Variants in DIAPH3 observed in about 807,000 individuals in gnomAD.
DIAPH3 encodes diaphanous related formin 3, also known as protein diaphanous homolog 3.
Under a neutral mutation model 144.3 loss-of-function variants are expected in DIAPH3, and 117 were observed. The ratio of observed to expected loss-of-function variants is 0.81; its 90% CI spans 0.70 to 0.95. DIAPH3 has a LOEUF of 0.95. DIAPH3 is among the 40% of genes least tolerant of loss of function. The probability of loss-of-function intolerance (pLI) is 0.00; values close to 1 mark genes in which losing one functional copy is unlikely to be tolerated. For missense variants in DIAPH3, 1,421 were observed against 1,412.7 expected, an observed-to-expected ratio of 1.01 and a Z score of -0.09; for synonymous variants, 519 against 488.9, an observed-to-expected ratio of 1.06 and a Z score of -0.81.
At chr13:59,763,732 T>C (rs1447103772) in intron 27 of DIAPH3, among the ~76,000 whole-genome samples, 1 of 152,172 alleles carries the variant, frequency 6.6e-6, no homozygotes, top group Non-Finnish European at 1.5e-5. Flanking sequence ...TGTGGTGTTT[T>C]GCTTGAAATT....
chr13:59,861,354 T>A, intron 22 of DIAPH3, 53 bp downstream of exon 22: 1 of 1,612,852 alleles, frequency 6.2e-7, no homozygotes, highest in Non-Finnish European at 8.5e-7. Flanking sequence ...TAATTTTCAG[T>A]CTTTTAGCAC....
chr13:60,042,801 C>T lies in DIAPH3; in HGVS notation c.515G>A (p.Arg172Gln), dbSNP rs1195078497. The change falls in exon 5 of 28, where the codon CGA becomes CAA. Residue 172 changes from arginine to glutamine, a missense_variant. Arg to Gln is a conservative substitution (Grantham distance 43). Transcript: ENST00000400324. Reference sequence around the variant, plus strand: ...AATGAATTCCTGAGGTGAGATCTGTCGGCTTCTCTTAAGACTTCCCTATAA... The same window carrying T: ...AATGAATTCCTGAGGTGAGATCTGTTGGCTTCTCTTAAGACTTCCCTATAA... ...ASKTGSLKRS[R>Q]QISPQEFIHE... 5 of 1,613,356 alleles carry T rather than the reference C, an allele frequency of 3.1e-6. No homozygotes were observed. Among genetic ancestry groups the T allele is most frequent in the Non-Finnish European group, 2.5e-6 (3 of 1,179,624 alleles).
chr13:60,099,907 A>AGAAGAAAGGAAG (rs1158685607), intron 3 of DIAPH3, among the ~76,000 whole-genome samples: 2 of 104,810 alleles, frequency 1.9e-5, no homozygotes, highest in African/African-American at 7.2e-5. Context: ...AGAAAGTAAG[A>AGAAGAAAGGAAG]GAAGGAAGGA....
At chr13:59,957,315 TG>T (rs931242545) in intron 17 of DIAPH3, among the ~76,000 whole-genome samples, 1 of 152,164 alleles carries the variant, frequency 6.6e-6, no homozygotes, top group African/African-American at 2.4e-5. Flanking sequence ...AATTTAATCA[TG>T]GGGGTGGGTT....
At chr13:59,686,591 C>A (rs932750596) in intron 27 of DIAPH3, among the ~76,000 whole-genome samples, 1 of 151,668 alleles carries the variant, frequency 6.6e-6, no homozygotes, top group Non-Finnish European at 1.5e-5. Flanking sequence ...TGTTCACGGA[C>A]AAAACATGGT....
intron 4 of DIAPH3, among the ~76,000 whole-genome samples, chr13:60,079,187 C>T (rs186320039): frequency 6.6e-6 from 1 of 152,086 alleles, no homozygotes. Context: ...GGGGAAAGGG[C>T]AGAAAACAAA....
At position 59,666,627 on chromosome 13, in the gene DIAPH3, A is replaced by G. The variant is rs755606828; in HGVS notation, c.3539T>C (p.Val1180Ala). Residue 1180 changes from valine (V) to alanine (A), a missense_variant, in exon 28 of 28, where the codon GTT becomes GCT. Physicochemically the swap from Val to Ala is moderately conservative, Grantham distance 64. Transcript: ENST00000400324. ...TGCCAGCAGGGCTTCAACTTCGGGA[A>G]CTGATTCATTTTTAGAAAAAGAGCC... is the stretch of plus-strand genomic sequence containing the variant. Reference protein sequence around the residue: ...LLGSFSKNESVPEVEALLARL... With the variant: ...LLGSFSKNESAPEVEALLARL... The G allele has an allele frequency of 2.5e-6, 4 of 1,614,016 alleles. No homozygotes were observed. Among genetic ancestry groups the G allele is most frequent in the African/African-American group, 1.3e-5 (1 of 74,922 alleles).
chr13:59,783,516 A>G (rs1181652261), intron 25 of DIAPH3, among the ~76,000 whole-genome samples: 2 of 152,206 alleles, frequency 1.3e-5, no homozygotes, highest in African/African-American at 4.8e-5. Context: ...GGTTACACTA[A>G]TACATTCAAC....
rs58372882 is a variant in DIAPH3, at chr13:59,697,459, CAAAAAAAAAAAAAAAAAAAAA to C, written c.3320-30634_3320-30614del. Among the ~76,000 whole-genome samples the C allele has an allele frequency of 1.3e-4, 4 of 31,164 alleles. No homozygotes were observed. In the Admixed American group the frequency reaches 1.8e-3, roughly 14 times the overall value. The allele number at this position is 31,164 out of a possible 152,430, so 20.4% of individuals were successfully genotyped here. A position where few individuals can be genotyped will look rare whatever the true frequency, so the allele number is the denominator to read the frequency against. On this transcript the variant is annotated intron_variant, in intron 27 of 27. Transcript: ENST00000400324. ...TGGGCGACAGAGCGAGACACTGTCTCAAAAAAAAAAAAAAAAAAAAAAAAAAAAAAAAAAGAAGAGGGGATT... is the reference window on the plus strand; with the variant it reads ...TGGGCGACAGAGCGAGACACTGTCTCAAAAAAAAAAAAAGAAGAGGGGATT...
chr13:59,742,762 G>T (rs1158808772), intron 27 of DIAPH3, among the ~76,000 whole-genome samples: 1 of 152,116 alleles, frequency 6.6e-6, no homozygotes, highest in Non-Finnish European at 1.5e-5. Context: ...CTTCTACACA[G>T]TAGGTCCTGT....
intron 1 of DIAPH3, among the ~76,000 whole-genome samples, chr13:60,136,895 G>T (rs533530410): frequency 2.0e-5 from 3 of 151,798 alleles, no homozygotes; most frequent in Non-Finnish European, 4.4e-5. Flanking sequence ...AGCCGAGATT[G>T]TGCCACTGCA....
intron 19 of DIAPH3, among the ~76,000 whole-genome samples, chr13:59,912,508 A>C (rs572541742): frequency 6.6e-6 from 1 of 152,174 alleles, no homozygotes; most frequent in Non-Finnish European, 1.5e-5. Context: ...AAACAACAGA[A>C]CTACTTGAAT....
chr13:59,883,386 T>C (rs1445953438), intron 20 of DIAPH3, among the ~76,000 whole-genome samples: 1 of 152,134 alleles, frequency 6.6e-6, no homozygotes, highest in African/African-American at 2.4e-5. Flanking sequence ...TGTCAGATGT[T>C]TTTTTCCCCC....
intron 24 of DIAPH3, among the ~76,000 whole-genome samples, chr13:59,832,232 T>A (rs1293949487): frequency 6.6e-6 from 1 of 151,864 alleles, no homozygotes; most frequent in Non-Finnish European, 1.5e-5. Flanking sequence ...AAATGTGTAT[T>A]TTTCCTGTAA....
At chr13:60,075,689 G>C (rs558554750) in intron 4 of DIAPH3, among the ~76,000 whole-genome samples, 19 of 152,146 alleles carry the variant, frequency 1.2e-4, no homozygotes, top group Non-Finnish European at 2.5e-4. Context: ...GAACGGGGCT[G>C]CAGATCTTCA....
intron 4 of DIAPH3, among the ~76,000 whole-genome samples, chr13:60,079,923 A>G (rs2057496501): frequency 6.6e-6 from 1 of 151,912 alleles, no homozygotes; most frequent in African/African-American, 2.4e-5. Context: ...GAAGACTTGA[A>G]CTGTTAAGAC....
chr13:59,898,916 A>G (rs987924716), intron 20 of DIAPH3, among the ~76,000 whole-genome samples: 5 of 152,248 alleles, frequency 3.3e-5, no homozygotes, highest in Admixed American at 6.5e-5. Context: ...CCCACCTTCA[A>G]TCTGGGTGGG....
At chr13:59,728,944 C>T (rs892015677) in intron 27 of DIAPH3, among the ~76,000 whole-genome samples, 7 of 151,864 alleles carry the variant, frequency 4.6e-5, no homozygotes, top group African/African-American at 1.5e-4. Context: ...AAATCAGTCT[C>T]TTGAGAGGAC....
At chr13:59,887,157 A>AT (rs1388901149) in intron 20 of DIAPH3, among the ~76,000 whole-genome samples, 40 of 151,888 alleles carry the variant, frequency 2.6e-4, no homozygotes, top group Non-Finnish European at 1.6e-4. Flanking sequence ...GGTAATTATG[A>AT]TTTTTCTCAT....
Sources: gnomAD v4.1 joint callset for allele counts (sites outside exome capture counted in the v4.1 genomes callset) on GRCh38, gnomAD v4.1.1 for gene constraint, MANE v1.5 for transcripts, NCBI Gene and HGNC (gene_info 2026-07-23, HGNC 2026-07-21) for gene names.